The following EDA variants were observed in gnomAD, a reference collection of about 807,000 sequenced individuals.
EDA encodes the protein ectodysplasin-A.
Under a neutral mutation model 23.6 loss-of-function variants are expected in EDA, and 2 were observed. That is an observed-to-expected ratio of 0.08 (90% CI 0.03 to 0.27). The LOEUF (loss-of-function observed/expected upper bound fraction) is 0.27, where lower values mean the gene tolerates loss of function less well. Ranked by LOEUF, EDA falls within the 10% of genes least tolerant of loss-of-function variation. The probability of loss-of-function intolerance (pLI) is 1.00; values close to 1 mark genes in which losing one functional copy is unlikely to be tolerated. For missense variants in EDA, 229 were observed against 324.2 expected, an observed-to-expected ratio of 0.71 and a Z score of 2.26; for synonymous variants, 131 against 132.0, an observed-to-expected ratio of 0.99 and a Z score of 0.05.
At chrX:69,621,859 G>A (rs1313310338) in intron 1 of EDA, among the ~76,000 whole-genome samples, 1 of 111,123 alleles carries the variant, frequency 9.0e-6, no homozygotes, top group Admixed American at 9.6e-5. Flanking sequence ...TCCAACCTCA[G>A]CTTTTTGAGT....
chrX:69,806,499 T>G (rs1457453863), intron 1 of EDA, among the ~76,000 whole-genome samples: 2 of 111,295 alleles, frequency 1.8e-5, no homozygotes, highest in African/African-American at 6.5e-5. Context: ...GGCACTGTGC[T>G]ATGTGATAGA....
intron 1 of EDA, among the ~76,000 whole-genome samples, chrX:69,802,358 G>A (rs1421313250): frequency 9.2e-6 from 1 of 108,471 alleles, no homozygotes; most frequent in African/African-American, 3.3e-5. Context: ...ATTCTATGTA[G>A]TATACTTATA....
chrX:69,621,490 C>T (rs761520533), intron 1 of EDA, among the ~76,000 whole-genome samples: 46 of 112,009 alleles, frequency 4.1e-4, no homozygotes, highest in African/African-American at 1.5e-3. Context: ...GCCACAACTC[C>T]TCCTTACACC....
intron 1 of EDA, among the ~76,000 whole-genome samples, chrX:69,657,391 T>G (rs1033163759): frequency 2.7e-5 from 3 of 112,282 alleles, no homozygotes; most frequent in Non-Finnish European, 5.6e-5. Flanking sequence ...TTTTGTTGGA[T>G]GCATATTTTG....
chrX:69,862,619 TA>T (rs2017403676), intron 1 of EDA, among the ~76,000 whole-genome samples: 1 of 110,874 alleles, frequency 9.0e-6, no homozygotes, highest in Non-Finnish European at 1.9e-5. Flanking sequence ...TATTTTATTT[TA>T]TTTTTTTGTA....
rs757399557 is a variant in EDA at position 69,660,849 on chromosome X, A to G, written c.396+44145A>G. On this transcript the variant is annotated intron_variant, in intron 1 of 7. Coordinates refer to ENST00000374552, the MANE Select transcript of EDA (RefSeq NM_001399.5). Reference sequence around the variant, plus strand: ...CAGCATGATTTATAATCCTTTGGGTATATACCTATCCAGTAATGGGATGGC... The same window carrying G: ...CAGCATGATTTATAATCCTTTGGGTGTATACCTATCCAGTAATGGGATGGC... 2.7e-5 allele frequency among the ~76,000 whole-genome samples: 3 copies of G among 111,669 alleles called. No homozygotes were observed. In the Admixed American group the frequency reaches 2.9e-4, roughly 11 times the overall value.
intron 1 of EDA, among the ~76,000 whole-genome samples, chrX:69,923,098 A>T (rs1174181305): frequency 1.8e-5 from 2 of 111,435 alleles, no homozygotes. Context: ...CTTTTTTCCT[A>T]TTCCAATGTG....
At chrX:69,641,101 T>A (rs1932834362) in intron 1 of EDA, among the ~76,000 whole-genome samples, 1 of 111,449 alleles carries the variant, frequency 9.0e-6, no homozygotes, top group Non-Finnish European at 1.9e-5. Context: ...AATAAAAATT[T>A]TGGGCTCATG....
At chrX:69,949,330 T>C (rs770765042) in intron 1 of EDA, among the ~76,000 whole-genome samples, 1 of 111,940 alleles carries the variant, frequency 8.9e-6, no homozygotes, top group South Asian at 3.8e-4. Context: ...TTTGTTTTTT[T>C]AGTCTAAAGG....
At chrX:69,789,521 C>G (rs1300625061) in intron 1 of EDA, among the ~76,000 whole-genome samples, 1 of 111,990 alleles carries the variant, frequency 8.9e-6, no homozygotes, top group East Asian at 2.8e-4. Context: ...TCATCCGTAT[C>G]CACGGTCACC....
chrX:69,752,127 G>A (rs1264394175), intron 1 of EDA, among the ~76,000 whole-genome samples: 1 of 111,275 alleles, frequency 9.0e-6, no homozygotes, highest in African/African-American at 3.3e-5. Flanking sequence ...AATAGGAGTG[G>A]TGAGAGAGGA....
intron 1 of EDA, among the ~76,000 whole-genome samples, chrX:69,678,014 G>A (rs1383918375): frequency 3.6e-5 from 4 of 110,845 alleles, no homozygotes; most frequent in Non-Finnish European, 5.7e-5. Context: ...TGTAAGGAAG[G>A]GACCCAGTTT....
At chrX:70,006,744 T>C (rs1363443299) in intron 2 of EDA, among the ~76,000 whole-genome samples, 1 of 112,019 alleles carries the variant, frequency 8.9e-6, no homozygotes, top group East Asian at 2.8e-4. Flanking sequence ...CACTTCACAG[T>C]ATCTTTCTCA....
intron 2 of EDA, among the ~76,000 whole-genome samples, chrX:69,993,969 G>A (rs1028712180): frequency 6.3e-5 from 7 of 111,954 alleles, no homozygotes; most frequent in African/African-American, 1.6e-4. Context: ...AACAATTTTG[G>A]ATTGGATTTC....
intron 1 of EDA, among the ~76,000 whole-genome samples, chrX:69,682,546 G>A (rs932078656): frequency 6.2e-5 from 7 of 112,318 alleles, no homozygotes; most frequent in African/African-American, 1.3e-4. Context: ...TAAGCCCCTC[G>A]GAAATGCGCA....
At chrX:69,753,751 G>T (rs1209232317) in intron 1 of EDA, among the ~76,000 whole-genome samples, 2 of 111,313 alleles carry the variant, frequency 1.8e-5, no homozygotes, top group African/African-American at 6.6e-5. Flanking sequence ...TATGAATCTG[G>T]GTGCTCCTGT....
chrX:69,828,815 C>T (rs1292086088), intron 1 of EDA, among the ~76,000 whole-genome samples: 1 of 112,600 alleles, frequency 8.9e-6, no homozygotes, highest in Non-Finnish European at 1.9e-5. Flanking sequence ...ATCAATGAAA[C>T]CATCTTCCTT....
intron 1 of EDA, among the ~76,000 whole-genome samples, chrX:69,955,153 C>A (rs368427248): frequency 2.7e-5 from 3 of 111,750 alleles, no homozygotes; most frequent in Non-Finnish European, 3.8e-5. Context: ...TAGTACTTAG[C>A]TTATTTATAT....
chrX:69,859,862 C>G (rs1212492265), intron 1 of EDA, among the ~76,000 whole-genome samples: 1 of 111,595 alleles, frequency 9.0e-6, no homozygotes, highest in East Asian at 2.8e-4. Context: ...GTCTAAGTCT[C>G]TTTGAAGGTC....
Sources: allele counts gnomAD v4.1 joint callset (sites outside exome capture counted in the v4.1 genomes callset), GRCh38; gene constraint gnomAD v4.1.1; transcripts MANE v1.5; gene names NCBI Gene and HGNC (gene_info 2026-07-23, HGNC 2026-07-21).